MARCHF8: variants seen among roughly 807,000 people sequenced by gnomAD.
MARCHF8 encodes membrane associated ring-CH-type finger 8, also known as E3 ubiquitin-protein ligase MARCHF8.
In MARCHF8, 40 loss-of-function variants were observed where a neutral mutation model predicts 51.6. The ratio of observed to expected loss-of-function variants is 0.77; its 90% CI spans 0.60 to 1.01. MARCHF8 has a LOEUF of 1.01. Ranked by LOEUF, MARCHF8 falls within the 50% of genes least tolerant of loss-of-function variation. The probability of loss-of-function intolerance (pLI) is 0.00; values close to 1 mark genes in which losing one functional copy is unlikely to be tolerated. For missense variants in MARCHF8, 685 were observed against 708.6 expected (o/e 0.97, Z 0.38); for synonymous variants, 263 against 280.3 (o/e 0.94, Z 0.62).
chr10:45,511,941 G>A (rs1198422967), intron 2 of MARCHF8, among the ~76,000 whole-genome samples: 7 of 150,556 alleles, frequency 4.6e-5, no homozygotes, highest in East Asian at 4.0e-4. Context: ...CTTCCTGGCC[G>A]CCATCCCGTC....
chr10:45,472,531 A>G (rs943672021), intron 3 of MARCHF8, among the ~76,000 whole-genome samples: 1 of 152,222 alleles, frequency 6.6e-6, no homozygotes, highest in Non-Finnish European at 1.5e-5. Context: ...CATCTTTGCT[A>G]TATTAGAACA....
At chr10:45,502,515 A>G (rs987096217) in intron 2 of MARCHF8, among the ~76,000 whole-genome samples, 25 of 152,218 alleles carry the variant, frequency 1.6e-4, no homozygotes, top group African/African-American at 6.0e-4. Flanking sequence ...AGTCAAATTA[A>G]TGAAGACAAG....
At chr10:45,461,721 TGGAATCATTTTCCAGAACATAA>T in intron 5 of MARCHF8, 1 of 210,782 alleles carries the variant, frequency 4.7e-6, no homozygotes, top group South Asian at 1.8e-4. Context: ...TAAAGCAACA[TGGAATCATTTTCCAGAACATAA>T]GATGGTAAAA....
At chr10:45,487,772 T>TA (rs1343625356) in intron 3 of MARCHF8, among the ~76,000 whole-genome samples, 3 of 151,912 alleles carry the variant, frequency 2.0e-5, no homozygotes, top group Non-Finnish European at 4.4e-5. Flanking sequence ...CTTTTAGTCT[T>TA]AAAAAAATAA....
chr10:45,521,114 G>T (rs1741414715), intron 2 of MARCHF8, among the ~76,000 whole-genome samples: 1 of 151,934 alleles, frequency 6.6e-6, no homozygotes, highest in Admixed American at 6.6e-5. Flanking sequence ...TGCTTTTAAG[G>T]GTCTTTTCCC....
At chr10:45,459,648 T>C in intron 6 of MARCHF8, 6 of 935,474 alleles carry the variant, frequency 6.4e-6, no homozygotes, top group Non-Finnish European at 7.7e-6. Flanking sequence ...CTGACTGGCA[T>C]GGACGAGCGG....
chr10:45,531,992 C>T (rs1310508852), intron 2 of MARCHF8, among the ~76,000 whole-genome samples: 1 of 152,194 alleles, frequency 6.6e-6, no homozygotes, highest in East Asian at 1.9e-4. Flanking sequence ...TGTGCCATTG[C>T]TGCTGAAGCT....
chr10:45,536,105 A>C (rs1349056535), upstream of MARCHF8, among the ~76,000 whole-genome samples: 1 of 152,232 alleles, frequency 6.6e-6, no homozygotes, highest in Admixed American at 6.5e-5. Context: ...TGCCAAAACA[A>C]CCTTGAAAAA....
At chr10:45,562,872 A>G (rs2044325895) in intron 1 of MARCHF8, among the ~76,000 whole-genome samples, 1 of 152,206 alleles carries the variant, frequency 6.6e-6, no homozygotes, top group Non-Finnish European at 1.5e-5. Flanking sequence ...GGCATGAGGA[A>G]GGGGAGGTCA....
chr10:45,486,078 C>T (rs547455522), intron 3 of MARCHF8, among the ~76,000 whole-genome samples: 2 of 152,324 alleles, frequency 1.3e-5, no homozygotes, highest in Admixed American at 1.3e-4. Flanking sequence ...ATACAGCATG[C>T]TAACTATCTT....
exon 1 of MARCHF8, chr10:45,594,853 C>G (rs2044723315): frequency 6.6e-6 from 1 of 152,336 alleles, no homozygotes; most frequent in Non-Finnish European, 1.5e-5. Flanking sequence ...GGCCGCACCT[C>G]CCCCAGCGCG....
intron 1 of MARCHF8, among the ~76,000 whole-genome samples, chr10:45,565,305 C>A (rs1449075030): frequency 2.6e-5 from 4 of 152,064 alleles, no homozygotes; most frequent in Non-Finnish European, 4.4e-5. Context: ...GTGGTGCATG[C>A]CTGTAGTCCC....
At chr10:45,494,783 A>T (rs2043142050) in intron 2 of MARCHF8, among the ~76,000 whole-genome samples, 1 of 152,238 alleles carries the variant, frequency 6.6e-6, no homozygotes, top group Non-Finnish European at 1.5e-5. Flanking sequence ...GATAGTTACT[A>T]GAAGTCTGAA....
At chr10:45,464,686 G>C (rs1842911797) in intron 3 of MARCHF8, among the ~76,000 whole-genome samples, 1 of 152,140 alleles carries the variant, frequency 6.6e-6, no homozygotes, top group Admixed American at 6.5e-5. Context: ...GAGGCTCCAG[G>C]CCTGCTGGCA....
At chr10:45,512,145 A>T (rs1445526422) in intron 2 of MARCHF8, among the ~76,000 whole-genome samples, 3 of 150,424 alleles carry the variant, frequency 2.0e-5, no homozygotes, top group Non-Finnish European at 3.0e-5. Context: ...CCCGTCTGGG[A>T]GGTGAGGAGC....
rs528681203 is a variant in MARCHF8, at chr10:45,526,054, C to T, written c.102+7056G>A. On this transcript the variant is annotated intron_variant, in intron 2 of 7. Transcript: ENST00000453424. Reference sequence around the variant, plus strand: ...ACTATAATGTATTCATATTAGTTCACTAACTATGATGAATGCAGCACACTA... The same window carrying T: ...ACTATAATGTATTCATATTAGTTCATTAACTATGATGAATGCAGCACACTA... Among the ~76,000 whole-genome samples the T allele has an allele frequency of 9.8e-3, 1,339 of 135,962 alleles. 13 individuals are homozygous for T. The highest frequency in any genetic ancestry group is 0.013 in the Non-Finnish European group (770 of 59,426). The allele number at this position is 135,962 out of a possible 152,430, so 89.2% of individuals were successfully genotyped here. A position where few individuals can be genotyped will look rare whatever the true frequency, so the allele number is the denominator to read the frequency against.
At chr10:45,536,835 A>AAATAATAAT (rs60341718), upstream of MARCHF8, among the ~76,000 whole-genome samples, 5,503 of 134,752 alleles carry the variant, frequency 0.041, 133 homozygotes, top group Middle Eastern at 0.089. Flanking sequence ...ATCTCTACCA[A>AAATAATAAT]AATAATAATA....
intron 1 of MARCHF8, among the ~76,000 whole-genome samples, chr10:45,566,940 A>G (rs1381309589): frequency 2.0e-5 from 3 of 152,176 alleles, no homozygotes; most frequent in Admixed American, 1.3e-4. Context: ...CATCCTCACC[A>G]GCATTTATTA....
chr10:45,574,314 A>G (rs12783064), intron 1 of MARCHF8, among the ~76,000 whole-genome samples: 2 of 152,208 alleles, frequency 1.3e-5, no homozygotes, highest in Non-Finnish European at 2.9e-5. Context: ...TCCAAAAACC[A>G]GACAAGTCTT....
Sources: gnomAD v4.1 joint callset for allele counts (sites outside exome capture counted in the v4.1 genomes callset) on GRCh38, gnomAD v4.1.1 for gene constraint, MANE v1.5 for transcripts, NCBI Gene and HGNC (gene_info 2026-07-23, HGNC 2026-07-21) for gene names.